MME: variants seen among roughly 807,000 people sequenced by gnomAD.
The protein encoded by MME is neprilysin.
In MME, 98 loss-of-function variants were observed where a neutral mutation model predicts 113.2. The observed-to-expected ratio is 0.87, with a 90% CI of 0.74 to 1.02. The LOEUF (loss-of-function observed/expected upper bound fraction) is 1.02, where lower values mean the gene tolerates loss of function less well. Among genes scored for constraint, MME ranks in the 50% least tolerant of loss-of-function variants. The pLI, the probability that MME is intolerant of heterozygous loss-of-function variation, is 0.00. For synonymous variants in MME, 292 were observed against 300.6 expected, an observed-to-expected ratio of 0.97 and a Z score of 0.30; for missense variants, 836 against 896.0, an observed-to-expected ratio of 0.93 and a Z score of 0.86.
chr3:155,108,569 C>T (rs1203799126), intron 3 of MME, among the ~76,000 whole-genome samples: 1 of 150,446 alleles, frequency 6.6e-6, no homozygotes, highest in Admixed American at 6.6e-5. Flanking sequence ...GCACTGCAGC[C>T]TGGGGGACAA....
At chr3:155,163,583 A>G (rs1722868475) in intron 17 of MME, among the ~76,000 whole-genome samples, 1 of 152,212 alleles carries the variant, frequency 6.6e-6, no homozygotes, top group African/African-American at 2.4e-5. Context: ...GGTGCTGTTC[A>G]GTCATCTTAT....
chr3:155,093,352 G>C (rs1038929944), intron 3 of MME, among the ~76,000 whole-genome samples: 2 of 152,046 alleles, frequency 1.3e-5, no homozygotes, highest in African/African-American at 2.4e-5. Flanking sequence ...ATTATTTCAG[G>C]ATTAGGTGTT....
intron 15 of MME, 63 bp from the exon 16 acceptor site, chr3:155,148,487 T>G: frequency 8.7e-7 from 1 of 1,151,822 alleles, no homozygotes; most frequent in Non-Finnish European, 1.3e-6. Flanking sequence ...TCCCTATGTT[T>G]TTAGCAAAAA....
Position 155,168,631 on chromosome 3 carries a change from T to A in MME, c.1914+6T>A, listed in dbSNP as rs763757710. ...ACCTGGCAGGTGGACAGCACGTATG[T>A]CATTAGCATTCTCTTGAAAAGTTTT... On this transcript the variant is annotated splice_donor_region_variant and intron_variant, in intron 19 of 22. Coordinates refer to ENST00000360490, the MANE Select transcript of MME (RefSeq NM_007289.4). 19 of 1,613,702 alleles carry A rather than the reference T, an allele frequency of 1.2e-5. No individual in the cohort carries two copies. Among genetic ancestry groups the A allele is most frequent in the Non-Finnish European group, 1.6e-5 (19 of 1,179,830 alleles).
At chr3:155,172,337 T>A in intron 21 of MME, 125 bp downstream of exon 21, 1 of 811,258 alleles carries the variant, frequency 1.2e-6, no homozygotes. Flanking sequence ...ACTTTCATTG[T>A]TTATAATAGA....
chr3:155,039,170 C>T (rs1479089767), intron 1 of MME, among the ~76,000 whole-genome samples: 2 of 152,070 alleles, frequency 1.3e-5, no homozygotes, highest in East Asian at 3.9e-4. Context: ...GGAAAAATAG[C>T]CCATTCGTAA....
At chr3:155,084,495 G>A in intron 2 of MME, 168 bp downstream of exon 2, 1 of 702,778 alleles carries the variant, frequency 1.4e-6, no homozygotes, top group South Asian at 1.8e-5. Context: ...AATTAACTTT[G>A]AAGTACGGTG....
At chr3:155,098,867 G>A (rs545685227) in intron 3 of MME, among the ~76,000 whole-genome samples, 3 of 152,138 alleles carry the variant, frequency 2.0e-5, no homozygotes, top group East Asian at 3.9e-4. Flanking sequence ...GGTCTCTGAT[G>A]TTACATATCA....
At chr3:155,168,870 C>A (rs1711603185) in intron 20 of MME, 73 bp downstream of exon 20, 11 of 1,351,240 alleles carry the variant, frequency 8.1e-6, no homozygotes, top group Non-Finnish European at 1.1e-5. Context: ...CATTTAAAAC[C>A]TTTTGCAAAA....
chr3:155,058,260 G>A (rs1345681242), intron 1 of MME, among the ~76,000 whole-genome samples: 1 of 152,168 alleles, frequency 6.6e-6, no homozygotes, highest in Non-Finnish European at 1.5e-5. Flanking sequence ...TCCAGAAGTA[G>A]GATGAACATC....
chr3:155,148,513 T>C (rs1721690055), intron 15 of MME, 37 bp from the exon 16 acceptor site: 3 of 1,404,596 alleles, frequency 2.1e-6, no homozygotes, highest in African/African-American at 2.8e-5. Flanking sequence ...AAGATACCGG[T>C]TTTAATATTT....
chr3:155,074,353 C>A (rs888255950), intron 1 of MME, among the ~76,000 whole-genome samples: 3 of 151,930 alleles, frequency 2.0e-5, no homozygotes, highest in Non-Finnish European at 4.4e-5. Flanking sequence ...ATTTTTATTG[C>A]ATTCAGTTAT....
At chr3:155,045,533 T>TG (rs919521192) in intron 1 of MME, among the ~76,000 whole-genome samples, 4 of 151,780 alleles carry the variant, frequency 2.6e-5, no homozygotes, top group Non-Finnish European at 5.9e-5. Context: ...CTTTTTTTTT[T>TG]TTTTTGGTTT....
chr3:155,134,301 C>A (rs1720441055), intron 8 of MME, among the ~76,000 whole-genome samples: 1 of 152,054 alleles, frequency 6.6e-6, no homozygotes, highest in Non-Finnish European at 1.5e-5. Flanking sequence ...TCCCTCCACC[C>A]TCTATTAATC....
intron 3 of MME, among the ~76,000 whole-genome samples, chr3:155,111,404 A>G (rs1046267891): frequency 2.6e-5 from 4 of 152,350 alleles, no homozygotes; most frequent in Middle Eastern, 3.4e-3. Flanking sequence ...GAAATTTTAA[A>G]GAGTGGCCCT....
intron 8 of MME, among the ~76,000 whole-genome samples, chr3:155,126,922 G>T (rs773521872): frequency 6.6e-6 from 1 of 150,700 alleles, no homozygotes; most frequent in Non-Finnish European, 1.5e-5. Flanking sequence ...CAGGAGAATC[G>T]CTTGAACCCA....
In MME at chr3:155,161,867, C is replaced by T. The variant is rs554415258; in HGVS notation, c.1660+1419C>T. Among the ~76,000 whole-genome samples, 8 of 152,300 alleles carry T rather than the reference C, an allele frequency of 5.3e-5. No homozygotes were observed. In the East Asian group the frequency reaches 1.5e-3, roughly 29 times the overall value. The stretch of plus-strand genomic sequence containing the variant: ...AGAACGTGCTTAATAATCAACTCCT[C>T]AGAACCTTTGCAGTCAGTCCTTTAT... On this transcript the variant is annotated intron_variant, in intron 17 of 22. Transcript: ENST00000360490.
chr3:155,177,211 T>G (rs1712628855), intron 22 of MME, among the ~76,000 whole-genome samples: 2 of 152,094 alleles, frequency 1.3e-5, no homozygotes, highest in African/African-American at 4.8e-5. Flanking sequence ...AAAAAATCCT[T>G]TGGAAAAAAT....
chr3:155,153,105 C>T (rs1263007136), intron 16 of MME, among the ~76,000 whole-genome samples: 2 of 151,204 alleles, frequency 1.3e-5, no homozygotes, highest in Non-Finnish European at 2.9e-5. Flanking sequence ...GACACCATCT[C>T]GGCTCCCACC....
Sources: allele counts gnomAD v4.1 joint callset (sites outside exome capture counted in the v4.1 genomes callset), GRCh38; gene constraint gnomAD v4.1.1; transcripts MANE v1.5; gene names NCBI Gene and HGNC (gene_info 2026-07-23, HGNC 2026-07-21).